POTEE: variants seen among roughly 807,000 people sequenced by gnomAD.
POTEE encodes ANKRD26-like family C member 1A.
POTEE carries 21 observed loss-of-function variants against 74.2 expected under a neutral mutation model. That is an observed-to-expected ratio of 0.28 (90% CI 0.20 to 0.41). POTEE has a LOEUF of 0.41. Among genes scored for constraint, POTEE ranks in the 10% least tolerant of loss-of-function variants. The pLI is 1.00. For synonymous variants in POTEE, 211 were observed against 432.8 expected (o/e 0.49, Z 6.36); for missense variants, 525 against 1,158.6 (o/e 0.45, Z 7.94).
At chr2:131,256,824 T>C (rs1452878711) in intron 16 of POTEE, among the ~76,000 whole-genome samples, 4 of 151,844 alleles carry the variant, frequency 2.6e-5, no homozygotes, top group Non-Finnish European at 4.4e-5. Context: ...AGAGAGATAA[T>C]GAGGACTAAC....
Position 131,264,020 on chromosome 2 carries a change from T to C in POTEE, c.2565T>C (p.Ser855=). Residue 855 remains serine (S), a synonymous_variant, in exon 18 of 18, where the codon TCT becomes TCC. Transcript: ENST00000683005. The stretch of plus-strand genomic sequence containing the variant: ...GTACTACTGGCATCGTGATGGACTC[T>C]GGTGACGGGGTCACCCACACTGTGC... ...SGRTTGIVMD[S]GDGVTHTVPI... The C allele has an allele frequency of 6.2e-7, 1 of 1,614,230 alleles. No homozygotes were observed. Among genetic ancestry groups the C allele is most frequent in the Non-Finnish European group, 8.5e-7 (1 of 1,180,052 alleles).
intron 12 of POTEE, among the ~76,000 whole-genome samples, chr2:131,239,686 AC>A (rs1701223841): frequency 2.2e-5 from 2 of 90,424 alleles, no homozygotes; most frequent in Admixed American, 1.1e-4. Context: ...TTTTTAGTGA[AC>A]TTTTCTTTTA....
chr2:131,233,497 T>A (rs1701028350), intron 9 of POTEE, among the ~76,000 whole-genome samples: 1 of 151,884 alleles, frequency 6.6e-6, no homozygotes, highest in Non-Finnish European at 1.5e-5. Flanking sequence ...TATAGTTTCC[T>A]TGTCATACAT....
In POTEE at chr2:131,217,586, C is replaced by T. The variant is rs1452237380; in HGVS notation, c.-188-3C>T. Among the ~76,000 whole-genome samples the T allele has an allele frequency of 6.7e-6, 1 of 149,048 alleles. No homozygotes were observed. Among genetic ancestry groups the T allele is most frequent in the Non-Finnish European group, 1.5e-5 (1 of 67,240 alleles). ...TTTAAGAGGCTTTTTTTTTTTTCACCAGAGGCTTCTCAGTGGCTTGAAAGC... is the reference window on the plus strand; with the variant it reads ...TTTAAGAGGCTTTTTTTTTTTTCACTAGAGGCTTCTCAGTGGCTTGAAAGC... On this transcript the variant is annotated splice_polypyrimidine_tract_variant and splice_region_variant and intron_variant, in intron 2 of 17. Coordinates refer to ENST00000683005, the MANE Select transcript of POTEE (RefSeq NM_001083538.3).
intron 2 of POTEE, among the ~76,000 whole-genome samples, chr2:131,211,517 T>G (rs1573690552): frequency 1.8e-5 from 1 of 56,898 alleles, no homozygotes; most frequent in Non-Finnish European, 4.5e-5. Flanking sequence ...ATTTAGGGGG[T>G]GACTGTGTGT....
intron 9 of POTEE, 122 bp downstream of exon 9, chr2:131,231,028 T>G (rs1700937647): frequency 1.3e-6 from 1 of 759,288 alleles, no homozygotes; most frequent in African/African-American, 1.8e-5. Flanking sequence ...GTTTCAGGAT[T>G]ATTCAATCAT....
intron 12 of POTEE, among the ~76,000 whole-genome samples, chr2:131,243,488 A>T (rs1174824294): frequency 3.3e-5 from 5 of 151,302 alleles, no homozygotes; most frequent in Non-Finnish European, 7.4e-5. Flanking sequence ...TGCTTAGAAA[A>T]AGGCTTAGCA....
intron 8 of POTEE, chr2:131,229,557 C>A (rs1446350041): frequency 1.3e-5 from 2 of 152,182 alleles, no homozygotes; most frequent in Non-Finnish European, 2.9e-5. Flanking sequence ...CTTCACAGAG[C>A]CAAGCCTTGT....
rs574105676 is a variant in POTEE, at chr2:131,210,523, A to G, written c.-344-505A>G. Among the ~76,000 whole-genome samples, 536 of 151,586 alleles carry G rather than the reference A, an allele frequency of 3.5e-3. 8 individuals carry two copies. Among genetic ancestry groups the G allele is most frequent in the Middle Eastern group, 0.031 (9 of 292 alleles). On this transcript the variant is annotated intron_variant, in intron 1 of 17. Coordinates refer to ENST00000683005, the MANE Select transcript of POTEE (RefSeq NM_001083538.3). ...CCATGGTCTCCTTGCTCCTTCGGGT[A>G]ACTCTTCTCTTTTCCAGACTCCAGA...
At chr2:131,258,500 C>A (rs866167546) in intron 16 of POTEE, among the ~76,000 whole-genome samples, 4,790 of 144,684 alleles carry the variant, frequency 0.033, 17 homozygotes, top group Non-Finnish European at 0.048. Context: ...ATGTGATAGT[C>A]ATATTCTGTG....
intron 6 of POTEE, among the ~76,000 whole-genome samples, chr2:131,225,975 A>G (rs1700771789): frequency 6.6e-6 from 1 of 152,178 alleles, no homozygotes; most frequent in African/African-American, 2.4e-5. Flanking sequence ...TAGTCTTTCA[A>G]TAAGTAGAGG....
At chr2:131,231,806 A>G (rs1700969960) in intron 9 of POTEE, among the ~76,000 whole-genome samples, 2 of 152,204 alleles carry the variant, frequency 1.3e-5, no homozygotes, top group African/African-American at 4.8e-5. Context: ...ACTAACAAAA[A>G]CGCTAGTATG....
intron 2 of POTEE, among the ~76,000 whole-genome samples, 61 bp from the exon 3 acceptor site, chr2:131,217,528 C>T (rs1346517627): frequency 1.4e-5 from 2 of 147,032 alleles, no homozygotes; most frequent in Non-Finnish European, 3.0e-5. Context: ...CTGTCAGCAT[C>T]CTCAAGTTCC....
intron 4 of POTEE, among the ~76,000 whole-genome samples, chr2:131,220,669 G>A (rs1162691672): frequency 6.6e-6 from 1 of 152,118 alleles, no homozygotes; most frequent in Non-Finnish European, 1.5e-5. Flanking sequence ...TAAGTTAGAA[G>A]AGGAATGAAA....
At position 131,233,411 on chromosome 2, in the gene POTEE, G is replaced by A. The variant is rs556332697; in HGVS notation, c.1126+2505G>A. On this transcript the variant is annotated intron_variant, in intron 9 of 17. Transcript: ENST00000683005. ...GATTGGATTTGGCCTGTGGCCTATA[G>A]TTTGCTGGGATTGATGGAAGGTTCT... Among the ~76,000 whole-genome samples, 3 of 152,210 alleles carry A rather than the reference G, an allele frequency of 2.0e-5. No homozygotes were observed. In the East Asian group the frequency reaches 5.8e-4, roughly 29 times the overall value.
chr2:131,258,668 C>T (rs1238578090), intron 16 of POTEE, among the ~76,000 whole-genome samples: 19 of 142,424 alleles, frequency 1.3e-4, no homozygotes, highest in African/African-American at 3.8e-4. Flanking sequence ...AGAAAATTTA[C>T]GAGATCATTT....
At chr2:131,254,616 A>G (rs1225551061) in intron 16 of POTEE, among the ~76,000 whole-genome samples, 32 of 134,652 alleles carry the variant, frequency 2.4e-4, no homozygotes, top group African/African-American at 7.8e-4. Flanking sequence ...TTGTGCTAAA[A>G]GGAAGGTGCT....
intron 2 of POTEE, among the ~76,000 whole-genome samples, chr2:131,216,520 C>T (rs1206398518): frequency 2.0e-5 from 3 of 151,544 alleles, no homozygotes; most frequent in Non-Finnish European, 2.9e-5. Flanking sequence ...AAAATGAAGC[C>T]GTTCTTCAAA....
intron 2 of POTEE, among the ~76,000 whole-genome samples, chr2:131,213,296 C>G (rs1432939721): frequency 2.0e-5 from 3 of 151,434 alleles, no homozygotes; most frequent in African/African-American, 7.3e-5. Context: ...CCTGCAGTGT[C>G]GAGCCCTCTT....
Sources: gnomAD v4.1 joint callset for allele counts (sites outside exome capture counted in the v4.1 genomes callset) on GRCh38, gnomAD v4.1.1 for gene constraint, MANE v1.5 for transcripts, NCBI Gene and HGNC (gene_info 2026-07-23, HGNC 2026-07-21) for gene names.